Variants in PTPRM observed in about 807,000 individuals in gnomAD.
PTPRM encodes protein tyrosine phosphatase receptor type M.
In PTPRM, 47 loss-of-function variants were observed where a neutral mutation model predicts 186.7. The observed-to-expected ratio is 0.25, with a 90% CI of 0.20 to 0.32. The LOEUF is 0.32. Ranked by LOEUF, PTPRM falls within the 10% of genes least tolerant of loss-of-function variation. The probability of loss-of-function intolerance (pLI) is 1.00; values close to 1 mark genes in which losing one functional copy is unlikely to be tolerated. For missense variants in PTPRM, 1,494 were observed against 1,865.0 expected, an observed-to-expected ratio of 0.80 and a Z score of 3.66; for synonymous variants, 668 against 674.9, an observed-to-expected ratio of 0.99 and a Z score of 0.16.
At chr18:8,271,614 A>G (rs2094771907) in intron 19 of PTPRM, among the ~76,000 whole-genome samples, 1 of 152,054 alleles carries the variant, frequency 6.6e-6, no homozygotes, top group African/African-American at 2.4e-5. Context: ...AAAACTGGCT[A>G]GATCTGGCAA....
chr18:8,231,128 G>A (rs901174345), intron 14 of PTPRM, among the ~76,000 whole-genome samples: 5 of 152,066 alleles, frequency 3.3e-5, no homozygotes, highest in African/African-American at 1.2e-4. Flanking sequence ...CTTTTCTGTG[G>A]CCAACAGTGA....
At chr18:8,400,367 T>A (rs1256013481) in intron 32 of PTPRM, among the ~76,000 whole-genome samples, 1 of 152,146 alleles carries the variant, frequency 6.6e-6, no homozygotes, top group Non-Finnish European at 1.5e-5. Context: ...CCATGTCTGC[T>A]CTAGACGCAG....
At chr18:8,305,243 GA>G (rs2095209109) in intron 20 of PTPRM, among the ~76,000 whole-genome samples, 1 of 151,982 alleles carries the variant, frequency 6.6e-6, no homozygotes, top group African/African-American at 2.4e-5. Flanking sequence ...GTGGTGTTAG[GA>G]AAAAAACGTC....
chr18:7,926,381 A>G (rs776545892), intron 4 of PTPRM, among the ~76,000 whole-genome samples, 187 bp from the exon 5 acceptor site: 4 of 152,224 alleles, frequency 2.6e-5, no homozygotes, highest in African/African-American at 7.2e-5. Flanking sequence ...TTTACACAAC[A>G]TACTAAAACC....
intron 2 of PTPRM, among the ~76,000 whole-genome samples, chr18:7,859,633 A>G (rs1006751138): frequency 2.0e-5 from 3 of 152,148 alleles, no homozygotes; most frequent in Non-Finnish European, 4.4e-5. Context: ...CTGTTGGGGA[A>G]CTCAGGCTTC....
chr18:8,208,506 C>T (rs4378676), intron 14 of PTPRM, among the ~76,000 whole-genome samples: 4 of 150,972 alleles, frequency 2.6e-5, no homozygotes, highest in South Asian at 4.2e-4. Context: ...AGTAGAGTGG[C>T]CAGGCAAGGC....
chr18:8,348,872 G>A (rs1203206299), intron 23 of PTPRM, among the ~76,000 whole-genome samples: 5 of 152,196 alleles, frequency 3.3e-5, no homozygotes, highest in African/African-American at 1.2e-4. Flanking sequence ...GAGTCACTCT[G>A]AATAGTTCTG....
intron 1 of PTPRM, among the ~76,000 whole-genome samples, chr18:7,712,476 A>T (rs1255930578): frequency 6.6e-6 from 1 of 152,052 alleles, no homozygotes; most frequent in Non-Finnish European, 1.5e-5. Flanking sequence ...AAAGGATCAC[A>T]ACTCCTTACT....
intron 1 of PTPRM, among the ~76,000 whole-genome samples, chr18:7,753,846 A>ATT (rs140002410): frequency 1.6e-4 from 24 of 146,912 alleles, no homozygotes; most frequent in African/African-American, 5.7e-4. Flanking sequence ...TTATAATTCT[A>ATT]TTTTTTTTTT....
intron 7 of PTPRM, among the ~76,000 whole-genome samples, chr18:8,019,281 T>G (rs1370895870): frequency 1.3e-5 from 2 of 152,252 alleles, no homozygotes; most frequent in Non-Finnish European, 2.9e-5. Context: ...GTTTTATCTG[T>G]AAGTACTGAT....
intron 13 of PTPRM, among the ~76,000 whole-genome samples, chr18:8,140,283 C>T (rs1266413625): frequency 6.6e-6 from 1 of 152,080 alleles, no homozygotes; most frequent in Non-Finnish European, 1.5e-5. Context: ...AAATTGGGCC[C>T]AGACCTCAAG....
intron 2 of PTPRM, among the ~76,000 whole-genome samples, chr18:7,785,311 G>T (rs981039934): frequency 6.6e-6 from 1 of 152,168 alleles, no homozygotes; most frequent in African/African-American, 2.4e-5. Context: ...AGGAAATTTG[G>T]TTAGTAAATG....
intron 2 of PTPRM, among the ~76,000 whole-genome samples, chr18:7,842,935 T>C (rs577012714): frequency 3.0e-4 from 36 of 120,136 alleles, no homozygotes; most frequent in Non-Finnish European, 5.2e-4. Context: ...TGTGTGTATA[T>C]ATATATATAT....
Position 8,263,457 on chromosome 18 carries a change from CT to C in PTPRM, c.2754+10045del, listed in dbSNP as rs538719391. Among the ~76,000 whole-genome samples, 206 of 152,238 alleles carry C rather than the reference CT, an allele frequency of 1.4e-3. 1 individual carries two copies. The Middle Eastern group carries it at 0.014, about 10-fold the overall frequency. Reference sequence around the variant, plus strand: ...GTTTGCTTTACATTTCTTATTTAACCTTGTGGCAGGAATGAAATATATTTGG... The same window carrying C: ...GTTTGCTTTACATTTCTTATTTAACCTGTGGCAGGAATGAAATATATTTGG... On this transcript the variant is annotated intron_variant, in intron 19 of 32. Transcript: ENST00000580170.
intron 6 of PTPRM, among the ~76,000 whole-genome samples, chr18:7,954,281 T>A (rs1039853859): frequency 2.6e-5 from 4 of 152,234 alleles, no homozygotes; most frequent in African/African-American, 7.2e-5. Flanking sequence ...CTTAGTTTTA[T>A]CAAGCTGTGC....
rs540208944 is a variant in PTPRM, at chr18:8,211,051, G to A, written c.2301-33007G>A. ...AGGTCACAAGAAATCCACACTCATC[G>A]ATTCAGATAGGATCAAAATCCTCAC... On this transcript the variant is annotated intron_variant, in intron 14 of 32. Transcript: ENST00000580170. 7.9e-5 allele frequency among the ~76,000 whole-genome samples: 12 copies of A among 152,308 alleles called. No individual in the cohort carries two copies. The South Asian group carries it at 2.5e-3, about 32-fold the overall frequency.
chr18:8,121,442 A>AT (rs906448058), intron 13 of PTPRM, among the ~76,000 whole-genome samples: 5 of 151,750 alleles, frequency 3.3e-5, no homozygotes, highest in African/African-American at 7.3e-5. Flanking sequence ...TTAATTTTCT[A>AT]TTTTTTTTAA....
intron 1 of PTPRM, among the ~76,000 whole-genome samples, chr18:7,669,508 C>G (rs1463391359): frequency 1.3e-5 from 2 of 152,172 alleles, no homozygotes; most frequent in Admixed American, 6.5e-5. Flanking sequence ...ATGTGCTTGC[C>G]TGGGAGATTG....
intron 7 of PTPRM, among the ~76,000 whole-genome samples, chr18:8,045,787 T>C (rs1041562994): frequency 6.6e-6 from 1 of 152,198 alleles, no homozygotes; most frequent in Non-Finnish European, 1.5e-5. Flanking sequence ...AACCATTGAA[T>C]TGTACACTTT....
Sources: allele counts gnomAD v4.1 joint callset (sites outside exome capture counted in the v4.1 genomes callset), GRCh38; gene constraint gnomAD v4.1.1; transcripts MANE v1.5; gene names NCBI Gene and HGNC (gene_info 2026-07-23, HGNC 2026-07-21).